IQCM: variants seen among roughly 807,000 people sequenced by gnomAD.
The protein encoded by IQCM is IQ domain-containing protein M.
In IQCM, 45 loss-of-function variants were observed where a neutral mutation model predicts 57.6. The observed-to-expected ratio is 0.78, with a 90% CI of 0.62 to 1.00. IQCM has a LOEUF of 1.00. IQCM is among the 50% of genes least tolerant of loss of function. The pLI, the probability that IQCM is intolerant of heterozygous loss-of-function variation, is 0.00. For missense variants in IQCM, 468 were observed against 511.6 expected (o/e 0.91, Z 0.82); for synonymous variants, 148 against 158.9 (o/e 0.93, Z 0.51).
rs191903330 is a variant in IQCM, at chr4:149,515,324, C to T, written c.1228+33131G>A. Among the ~76,000 whole-genome samples, 837 of 152,124 alleles carry T rather than the reference C, an allele frequency of 5.5e-3. 4 individuals carry two copies. The highest frequency in any genetic ancestry group is 9.3e-3 in the Admixed American group (142 of 15,286). On this transcript the variant is annotated intron_variant, in intron 12 of 13. Transcript: ENST00000636793. Reference sequence around the variant, plus strand: ...TGGGTGCTTTCAGACCCATCTAGACCCATAAAGTGGGTTGTGCACAGCAGC... The same window carrying T: ...TGGGTGCTTTCAGACCCATCTAGACTCATAAAGTGGGTTGTGCACAGCAGC...
intron 5 of IQCM, among the ~76,000 whole-genome samples, chr4:149,707,389 T>C (rs1764238027): frequency 6.6e-6 from 1 of 152,048 alleles, no homozygotes; most frequent in Non-Finnish European, 1.5e-5. Context: ...TTATAAGATA[T>C]GAGTTCCTTA....
intron 12 of IQCM, among the ~76,000 whole-genome samples, chr4:149,447,509 C>T (rs1736639559): frequency 6.6e-6 from 1 of 151,292 alleles, no homozygotes; most frequent in African/African-American, 2.4e-5. Context: ...AGATGAAAAA[C>T]ACAGTTGATG....
At chr4:149,573,910 C>T (rs971475270) in intron 9 of IQCM, among the ~76,000 whole-genome samples, 6 of 151,904 alleles carry the variant, frequency 3.9e-5, no homozygotes, top group East Asian at 1.9e-4. Context: ...CAAAGGAGGA[C>T]GAAATTATGT....
At chr4:149,673,718 A>T (rs1478319039) in intron 7 of IQCM, among the ~76,000 whole-genome samples, 21 of 152,172 alleles carry the variant, frequency 1.4e-4, no homozygotes, top group Admixed American at 1.4e-3. Context: ...GATCAATGAG[A>T]CAGAAAGTTA....
intron 2 of IQCM, among the ~76,000 whole-genome samples, chr4:149,800,681 G>C (rs538561993): frequency 3.3e-5 from 5 of 152,024 alleles, no homozygotes; most frequent in African/African-American, 1.2e-4. Flanking sequence ...AAAAGTAGTA[G>C]CATTTCTATA....
At chr4:149,394,100 T>C (rs1405904594) in intron 13 of IQCM, among the ~76,000 whole-genome samples, 1 of 152,024 alleles carries the variant, frequency 6.6e-6, no homozygotes, top group African/African-American at 2.4e-5. Context: ...CTTACTTCAA[T>C]TTATTTAAAC....
intron 12 of IQCM, among the ~76,000 whole-genome samples, chr4:149,516,200 G>A (rs1227607149): frequency 1.3e-5 from 2 of 152,204 alleles, no homozygotes; most frequent in East Asian, 1.9e-4. Context: ...CCAGCTACCT[G>A]GTGGTAGGTT....
intron 12 of IQCM, among the ~76,000 whole-genome samples, chr4:149,544,741 T>G (rs946470158): frequency 6.6e-6 from 1 of 152,104 alleles, no homozygotes; most frequent in Non-Finnish European, 1.5e-5. Context: ...AATAAACCCA[T>G]GCATTTATAT....
At chr4:149,521,236 G>C (rs1435975101) in intron 12 of IQCM, among the ~76,000 whole-genome samples, 2 of 151,480 alleles carry the variant, frequency 1.3e-5, no homozygotes, top group Non-Finnish European at 2.9e-5. Context: ...ATCTTTCTTA[G>C]CCCCCATGCA....
chr4:149,712,698 G>C (rs1764662807), intron 5 of IQCM, among the ~76,000 whole-genome samples: 1 of 152,088 alleles, frequency 6.6e-6, no homozygotes, highest in African/African-American at 2.4e-5. Flanking sequence ...CTGATGGAAG[G>C]TGTTTTTCAG....
intron 13 of IQCM, among the ~76,000 whole-genome samples, chr4:149,354,678 C>A (rs1728834130): frequency 6.6e-6 from 1 of 151,776 alleles, no homozygotes; most frequent in South Asian, 2.1e-4. Context: ...AAATAAGGGC[C>A]CAAGTTCATG....
At chr4:149,510,070 T>G (rs1744243371) in intron 12 of IQCM, among the ~76,000 whole-genome samples, 1 of 152,156 alleles carries the variant, frequency 6.6e-6, no homozygotes, top group African/African-American at 2.4e-5. Context: ...CAACATGATT[T>G]CCACAAAAAT....
intron 9 of IQCM, among the ~76,000 whole-genome samples, chr4:149,578,629 A>T (rs1194555229): frequency 2.6e-5 from 4 of 151,820 alleles, no homozygotes; most frequent in African/African-American, 9.7e-5. Context: ...CTCTGCTCAA[A>T]AAAGGGTGAA....
intron 2 of IQCM, among the ~76,000 whole-genome samples, chr4:149,791,420 T>C (rs1561279565): frequency 1.3e-5 from 2 of 152,188 alleles, no homozygotes; most frequent in Non-Finnish European, 1.5e-5. Context: ...TCATTTCTTT[T>C]TGTTAGAAAC....
intron 12 of IQCM, among the ~76,000 whole-genome samples, chr4:149,529,032 G>T (rs1407694166): frequency 2.0e-5 from 3 of 151,976 alleles, no homozygotes; most frequent in Admixed American, 1.3e-4. Flanking sequence ...AATGAGCAAA[G>T]TTTATTATGA....
chr4:149,604,129 G>T (rs1488578353), intron 8 of IQCM, among the ~76,000 whole-genome samples: 5 of 152,076 alleles, frequency 3.3e-5, no homozygotes, highest in African/African-American at 1.2e-4. Context: ...ACCAACACAA[G>T]GCCTATATAG....
At chr4:149,379,976 T>A (rs755633521) in intron 13 of IQCM, among the ~76,000 whole-genome samples, 2 of 152,110 alleles carry the variant, frequency 1.3e-5, no homozygotes, top group African/African-American at 4.8e-5. Context: ...TCTCATGAGA[T>A]CTGATGGTTT....
At chr4:149,579,850 A>T (rs1752012569) in intron 9 of IQCM, among the ~76,000 whole-genome samples, 1 of 151,830 alleles carries the variant, frequency 6.6e-6, no homozygotes, top group South Asian at 2.1e-4. Context: ...CTATCCCAAG[A>T]TCATGACACT....
chr4:149,367,040 G>A (rs188900039), intron 13 of IQCM, among the ~76,000 whole-genome samples: 1 of 152,068 alleles, frequency 6.6e-6, no homozygotes. Flanking sequence ...GCTGAGTGAT[G>A]TACTTATATT....
Sources: allele counts gnomAD v4.1 joint callset (sites outside exome capture counted in the v4.1 genomes callset), GRCh38; gene constraint gnomAD v4.1.1; transcripts MANE v1.5; gene names NCBI Gene and HGNC (gene_info 2026-07-23, HGNC 2026-07-21).